Variants in CNOT2 observed in about 807,000 individuals in gnomAD.
The protein encoded by CNOT2 is CC chemokine receptor 4-negative regulator of transcription 2.
In CNOT2, 7 loss-of-function variants were observed where a neutral mutation model predicts 72.1. That is an observed-to-expected ratio of 0.10 (90% CI 0.06 to 0.18). The LOEUF (loss-of-function observed/expected upper bound fraction) is 0.18. Ranked by LOEUF, CNOT2 falls within the 10% of genes least tolerant of loss-of-function variation. CNOT2 has a pLI of 1.00. For synonymous variants in CNOT2, 196 were observed against 225.6 expected (o/e 0.87, Z 1.17); for missense variants, 345 against 660.3 (o/e 0.52, Z 5.23).
At chr12:70,252,851 G>A (rs1958215002) in intron 1 of CNOT2, among the ~76,000 whole-genome samples, 1 of 152,192 alleles carries the variant, frequency 6.6e-6, no homozygotes, top group Admixed American at 6.5e-5. Context: ...AAAGTTTTTT[G>A]TGGGTTTTTT....
At chr12:70,332,647 G>C (rs1438297205) in intron 6 of CNOT2, 120 bp from the exon 7 acceptor site, 2 of 1,264,950 alleles carry the variant, frequency 1.6e-6, no homozygotes, top group African/African-American at 1.5e-5. Context: ...AATAATATTA[G>C]TGTTGGTTTT....
chr12:70,272,550 T>C (rs140303979), intron 1 of CNOT2, among the ~76,000 whole-genome samples: 4 of 152,324 alleles, frequency 2.6e-5, no homozygotes, highest in African/African-American at 9.6e-5. Flanking sequence ...TTCTTACCTA[T>C]CATTAGTAAT....
In CNOT2 at chr12:70,308,582, TCTCA is replaced by T. The variant is rs1440793276; in HGVS notation, c.49-2311_49-2308del. 9.0e-3 allele frequency among the ~76,000 whole-genome samples: 1,059 copies of T among 117,986 alleles called. 19 individuals carry two copies. Among genetic ancestry groups the T allele is most frequent in the African/African-American group, 0.033 (1,008 of 30,710 alleles). 77.4% of individuals were successfully genotyped at this position (117,986 alleles called of 152,430 possible). On this transcript the variant is annotated intron_variant, in intron 2 of 15. Transcript: ENST00000229195. Reference sequence around the variant, plus strand: ...CTCTCTCTCTCTCTCTCTCTCTCTCTCTCACACACACACACACACACACACAGTG... The same window carrying T: ...CTCTCTCTCTCTCTCTCTCTCTCTCTCACACACACACACACACACACAGTG...
rs557738755 is a variant in CNOT2, at chr12:70,298,465, A to G, written c.49-12430A>G. 1.4e-3 allele frequency among the ~76,000 whole-genome samples: 219 copies of G among 152,368 alleles called. 1 individual carries two copies. The highest frequency in any genetic ancestry group is 5.0e-3 in the African/African-American group (209 of 41,588). On this transcript the variant is annotated intron_variant, in intron 2 of 15. Coordinates refer to ENST00000229195, the MANE Select transcript of CNOT2 (RefSeq NM_014515.7). ...CCGCATTTATCAGATATATAACCTT[A>G]GGAAGTTAACCTAACTTCTCTGGTC...
chr12:70,342,346 TTATC>T, intron 13 of CNOT2, 39 bp downstream of exon 13: 1 of 1,605,166 alleles, frequency 6.2e-7, no homozygotes. Context: ...CAGCATGAAT[TTATC>T]TATTTTTCAC....
intron 2 of CNOT2, among the ~76,000 whole-genome samples, chr12:70,289,453 G>A (rs965097855): frequency 5.9e-5 from 9 of 151,808 alleles, no homozygotes; most frequent in Middle Eastern, 3.2e-3. Context: ...TCTTACACGT[G>A]GGATTTGTTG....
At chr12:70,249,241 G>C (rs1416698750) in intron 1 of CNOT2, among the ~76,000 whole-genome samples, 1 of 151,756 alleles carries the variant, frequency 6.6e-6, no homozygotes, top group East Asian at 1.9e-4. Context: ...TTTTCTGCTT[G>C]TAAGAATCTT....
At chr12:70,265,816 A>G (rs1593068509) in intron 1 of CNOT2, among the ~76,000 whole-genome samples, 1 of 151,766 alleles carries the variant, frequency 6.6e-6, no homozygotes, top group Admixed American at 6.6e-5. Context: ...TGTATGTTTT[A>G]TTTTTGTTTT....
intron 2 of CNOT2, chr12:70,301,772 T>C (rs1874032475): frequency 6.6e-6 from 1 of 152,254 alleles, no homozygotes; most frequent in South Asian, 2.1e-4. Context: ...TTTCTATTTA[T>C]TGGAATAGTT....
intron 15 of CNOT2, among the ~76,000 whole-genome samples, chr12:70,350,297 G>A (rs1882717040): frequency 6.6e-6 from 1 of 151,956 alleles, no homozygotes; most frequent in South Asian, 2.1e-4. Context: ...GGATCTATCA[G>A]GATTTCTAAC....
chr12:70,342,236 C>T lies in CNOT2; in HGVS notation c.1241-22C>T, dbSNP rs1159498534. 3.1e-6 allele frequency: 5 copies of T among 1,613,090 alleles called. No individual in the cohort carries two copies. The African/African-American group carries it at 4.0e-5, about 13-fold the overall frequency. On this transcript the variant is annotated intron_variant, in intron 12 of 15. Transcript: ENST00000229195. ...TACAATTGAGAATCAGTTAATAAGGCTTTTTTCATTTTATTATCCAGACTT... is the reference window on the plus strand; with the variant it reads ...TACAATTGAGAATCAGTTAATAAGGTTTTTTTCATTTTATTATCCAGACTT...
At chr12:70,294,097 G>GT in intron 2 of CNOT2, 1 of 1,284,258 alleles carries the variant, frequency 7.8e-7, no homozygotes, top group Non-Finnish European at 1.0e-6. Context: ...CGTTTATCAT[G>GT]TTCTGGTTGG....
At chr12:70,280,477 G>A (rs1336615156) in intron 2 of CNOT2, among the ~76,000 whole-genome samples, 4 of 152,076 alleles carry the variant, frequency 2.6e-5, no homozygotes, top group Non-Finnish European at 2.9e-5. Context: ...GGAAATTTAT[G>A]TATTTTTCAT....
rs374383330 is a variant in CNOT2, at chr12:70,303,898, CTTTG to C, written c.49-6993_49-6990del. Among the ~76,000 whole-genome samples the C allele has an allele frequency of 6.8e-3, 1,036 of 152,276 alleles. 7 individuals carry two copies. Among genetic ancestry groups the C allele is most frequent in the Non-Finnish European group, 0.012 (813 of 68,022 alleles). ...CACATAGTCCCATATTTCTTGGAGA[CTTTG>C]TTTATTTCTTTTTATTCTTTTTTCT... On this transcript the variant is annotated intron_variant, in intron 2 of 15. Transcript: ENST00000229195.
chr12:70,276,447 A>G (rs80039203), intron 1 of CNOT2, among the ~76,000 whole-genome samples: 14,504 of 152,058 alleles, frequency 0.095, 895 homozygotes, highest in Middle Eastern at 0.19. Context: ...GTCACCATGT[A>G]TGTATTAATG....
chr12:70,335,227 G>A, intron 7 of CNOT2: 1 of 411,640 alleles, frequency 2.4e-6, no homozygotes, highest in East Asian at 3.9e-5. Context: ...TATTATGCTG[G>A]TTGCGTATTC....
chr12:70,332,576 AT>A, intron 6 of CNOT2, 190 bp from the exon 7 acceptor site: 1 of 849,226 alleles, frequency 1.2e-6, no homozygotes, highest in East Asian at 3.7e-5. Flanking sequence ...TCTGGTTCTC[AT>A]TTGTTCATGG....
intron 8 of CNOT2, 111 bp downstream of exon 8, chr12:70,335,674 G>T: frequency 1.4e-6 from 1 of 732,752 alleles, no homozygotes; most frequent in Non-Finnish European, 2.2e-6. Flanking sequence ...ATGTATGTTT[G>T]CATTTTCTAA....
Position 70,353,920 on chromosome 12 carries a change from A to T in CNOT2, c.*5A>T. On this transcript the variant is annotated 3_prime_UTR_variant, in exon 16 of 16. Coordinates refer to ENST00000229195, the MANE Select transcript of CNOT2 (RefSeq NM_014515.7). The stretch of plus-strand genomic sequence containing the variant: ...CCTGCTCAGCAAGCCTTCTAAAAAA[A>T]AAAAAAAAAAAAAAAAAAGACTTCC... 6.4e-7 allele frequency: 1 copy of T among 1,567,506 alleles called. No individual in the cohort carries two copies. Among genetic ancestry groups the T allele is most frequent in the South Asian group, 1.2e-5 (1 of 83,162 alleles).
Sources: gnomAD v4.1 joint callset for allele counts (sites outside exome capture counted in the v4.1 genomes callset) on GRCh38, gnomAD v4.1.1 for gene constraint, MANE v1.5 for transcripts, NCBI Gene and HGNC (gene_info 2026-07-23, HGNC 2026-07-21) for gene names.